Variants in CATSPERE observed in about 807,000 individuals in gnomAD.
The protein encoded by CATSPERE is catsper channel auxiliary subunit epsilon, also known as cation channel sperm-associated auxiliary subunit epsilon.
Under a neutral mutation model 114.1 loss-of-function variants are expected in CATSPERE, and 93 were observed. That is an observed-to-expected ratio of 0.81 (90% confidence interval 0.69 to 0.97). CATSPERE has a LOEUF of 0.97. CATSPERE is among the 50% of genes least tolerant of loss of function. The pLI is 0.00. For missense variants in CATSPERE, 1,058 were observed against 1,131.6 expected, an observed-to-expected ratio of 0.93 and a Z score of 0.93; for synonymous variants, 341 against 384.1, an observed-to-expected ratio of 0.89 and a Z score of 1.31.
chr1:244,524,932 G>A lies in CATSPERE; in HGVS notation c.536+6234G>A, dbSNP rs535506130. On this transcript the variant is annotated intron_variant, in intron 8 of 21. Coordinates refer to ENST00000366534, the MANE Select transcript of CATSPERE (RefSeq NM_001130957.2). The stretch of plus-strand genomic sequence containing the variant: ...CAACCATTGTGGAAGTCAGTGTGGC[G>A]GTTCCTCAGGGATCTAGAACTAGAA... Among the ~76,000 whole-genome samples the A allele has an allele frequency of 1.5e-3, 225 of 147,146 alleles. No homozygotes were observed. The Middle Eastern group carries it at 0.017, about 11-fold the overall frequency.
At chr1:244,470,107 T>A (rs1174691423) in intron 2 of CATSPERE, among the ~76,000 whole-genome samples, 3 of 151,900 alleles carry the variant, frequency 2.0e-5, no homozygotes, top group Non-Finnish European at 4.4e-5. Context: ...GAAGAAAACA[T>A]AAGGGAAAAT....
At chr1:244,514,000 T>A (rs547039746) in intron 7 of CATSPERE, among the ~76,000 whole-genome samples, 1 of 152,362 alleles carries the variant, frequency 6.6e-6, no homozygotes, top group Non-Finnish European at 1.5e-5. Flanking sequence ...TATTAATGTT[T>A]TATGAGATAT....
At chr1:244,593,372 A>C in intron 15 of CATSPERE, 23 bp from the exon 16 acceptor site, 1 of 1,610,694 alleles carries the variant, frequency 6.2e-7, no homozygotes, top group South Asian at 1.1e-5. Context: ...AAAGAGAAAT[A>C]ATGAGGAATG....
At position 244,477,570 on chromosome 1, in the gene CATSPERE, T is replaced by C. The variant is rs1422932997; in HGVS notation, c.144T>C (p.Phe48=). The change falls in exon 3 of 22, where the codon TTT becomes TTC. Residue 48 remains phenylalanine, a synonymous_variant. Transcript: ENST00000366534. ...TIKLEYEGTL[F]TEWSVPETCF... ...AGTTAGAGTATGAAGGAACATTATT[T>C]ACTGAGTGGAGTGTGCCAGAAACTT... 1 of 1,601,636 alleles carries C rather than the reference T, an allele frequency of 6.2e-7. No homozygotes were observed. Among genetic ancestry groups the C allele is most frequent in the East Asian group, 2.2e-5 (1 of 44,690 alleles).
At chr1:244,535,412 A>G (rs998723068) in intron 8 of CATSPERE, among the ~76,000 whole-genome samples, 2 of 152,170 alleles carry the variant, frequency 1.3e-5, no homozygotes, top group Admixed American at 6.5e-5. Flanking sequence ...TGGAGTCAGA[A>G]ACCTTAGAAA....
intron 20 of CATSPERE, among the ~76,000 whole-genome samples, chr1:244,627,641 T>C (rs1257095110): frequency 1.3e-5 from 2 of 152,214 alleles, no homozygotes; most frequent in East Asian, 3.9e-4. Context: ...GCACATGATG[T>C]TTATAAAAAT....
chr1:244,461,593 G>C (rs1666802937), intron 1 of CATSPERE, 99 bp downstream of exon 1: 5 of 965,022 alleles, frequency 5.2e-6, no homozygotes, highest in African/African-American at 1.7e-5. Context: ...CCTCGGGACC[G>C]CTCGCCCTGG....
At chr1:244,453,843 G>A (rs867403879), upstream of CATSPERE, among the ~76,000 whole-genome samples, 22 of 151,960 alleles carry the variant, frequency 1.4e-4, no homozygotes, top group African/African-American at 4.8e-4. Flanking sequence ...CTATGGTGAG[G>A]TGTCTGTAGC....
intron 14 of CATSPERE, among the ~76,000 whole-genome samples, chr1:244,589,426 T>C (rs967883929): frequency 1.3e-5 from 2 of 152,224 alleles, no homozygotes; most frequent in Non-Finnish European, 2.9e-5. Flanking sequence ...CTAACATCTT[T>C]GCACCCGTAA....
chr1:244,585,928 G>A (rs4399138), intron 13 of CATSPERE, among the ~76,000 whole-genome samples: 15,259 of 152,272 alleles, frequency 0.1, 1,165 homozygotes, highest in East Asian at 0.39. Context: ...TTCCCTGGGA[G>A]GGGTGACTAC....
intron 10 of CATSPERE, among the ~76,000 whole-genome samples, chr1:244,567,790 T>C (rs1283662192): frequency 6.6e-6 from 1 of 152,022 alleles, no homozygotes; most frequent in Non-Finnish European, 1.5e-5. Flanking sequence ...TAGAACATGC[T>C]CCTTTAGCTC....
chr1:244,472,246 C>T (rs532293708), intron 2 of CATSPERE, among the ~76,000 whole-genome samples: 3 of 152,348 alleles, frequency 2.0e-5, no homozygotes, highest in African/African-American at 7.2e-5. Context: ...CAGGCATGAG[C>T]CACTGCACCT....
intron 13 of CATSPERE, among the ~76,000 whole-genome samples, chr1:244,584,763 G>A (rs1429314794): frequency 1.3e-5 from 2 of 152,080 alleles, no homozygotes; most frequent in Admixed American, 6.5e-5. Flanking sequence ...AGGAACCTGC[G>A]TTCCTACCAG....
intron 8 of CATSPERE, among the ~76,000 whole-genome samples, chr1:244,538,741 C>T (rs1193431212): frequency 6.6e-6 from 1 of 152,224 alleles, no homozygotes; most frequent in Non-Finnish European, 1.5e-5. Flanking sequence ...GGATATTCAA[C>T]TTTCCCAGCA....
Position 244,552,314 on chromosome 1 carries a change from C to T in CATSPERE, c.537-8C>T. ...GATCATTTTATTCTCTTTTCTTTCT[C>T]TTCTTAGGACCTGGCGTATTGTAGT... On this transcript the variant is annotated splice_polypyrimidine_tract_variant and splice_region_variant and intron_variant, in intron 8 of 21. Coordinates refer to ENST00000366534, the MANE Select transcript of CATSPERE (RefSeq NM_001130957.2). 8 of 1,584,906 alleles carry T rather than the reference C, an allele frequency of 5.0e-6. No individual in the cohort carries two copies. The highest frequency in any genetic ancestry group is 6.9e-6 in the Non-Finnish European group (8 of 1,167,808).
chr1:244,519,510 C>T (rs1043564988), intron 8 of CATSPERE, among the ~76,000 whole-genome samples: 1 of 152,124 alleles, frequency 6.6e-6, no homozygotes, highest in Non-Finnish European at 1.5e-5. Context: ...GCGTGGGTTT[C>T]CTCCAGGTAT....
intron 15 of CATSPERE, among the ~76,000 whole-genome samples, chr1:244,592,315 A>G (rs760476400): frequency 1.1e-4 from 16 of 152,146 alleles, no homozygotes; most frequent in Non-Finnish European, 2.4e-4. Context: ...TTTTTTCTAG[A>G]TTTTATATTT....
upstream of CATSPERE, among the ~76,000 whole-genome samples, chr1:244,452,991 G>A (rs1665759270): frequency 6.6e-6 from 1 of 152,192 alleles, no homozygotes; most frequent in African/African-American, 2.4e-5. Flanking sequence ...CATACTGTAT[G>A]TTCACTAATG....
At chr1:244,464,040 G>A in intron 2 of CATSPERE, 84 bp downstream of exon 2, 1 of 975,544 alleles carries the variant, frequency 1.0e-6, no homozygotes, top group Non-Finnish European at 1.6e-6. Context: ...ATCATATTGA[G>A]TTTTACAGTC....
Sources: allele counts gnomAD v4.1 joint callset (sites outside exome capture counted in the v4.1 genomes callset), GRCh38; gene constraint gnomAD v4.1.1; transcripts MANE v1.5; gene names NCBI Gene and HGNC (gene_info 2026-07-23, HGNC 2026-07-21).